The following MAPK8IP3 variants were observed in gnomAD, a reference collection of about 807,000 sequenced individuals.
MAPK8IP3 encodes the protein mitogen-activated protein kinase 8 interacting protein 3.
A neutral mutation model predicts 157.8 loss-of-function variants in MAPK8IP3; 49 were observed. The ratio of observed to expected loss-of-function variants is 0.31; its 90% CI spans 0.25 to 0.39. MAPK8IP3 has a LOEUF of 0.39. Ranked by LOEUF, MAPK8IP3 falls within the 10% of genes least tolerant of loss-of-function variation. The pLI is 1.00. For missense variants in MAPK8IP3, 1,478 were observed against 1,889.4 expected (o/e 0.78, Z 4.04); for synonymous variants, 897 against 777.7 (o/e 1.15, Z -2.55).
intron 2 of MAPK8IP3, among the ~76,000 whole-genome samples, chr16:1,728,329 A>G (rs1213621218): frequency 6.6e-6 from 1 of 152,044 alleles, no homozygotes; most frequent in Non-Finnish European, 1.5e-5. Context: ...TGTGTGAGGG[A>G]CCTCGCTGCT....
intron 2 of MAPK8IP3, among the ~76,000 whole-genome samples, chr16:1,728,816 G>A (rs1282844374): frequency 1.5e-5 from 2 of 137,908 alleles, no homozygotes; most frequent in Non-Finnish European, 3.0e-5. Context: ...CCCCCCAGAC[G>A]GCTTTAACAG....
intron 4 of MAPK8IP3, among the ~76,000 whole-genome samples, chr16:1,730,964 A>G (rs530833775): frequency 1.3e-5 from 2 of 151,280 alleles, no homozygotes; most frequent in Admixed American, 1.3e-4. Flanking sequence ...ACACGGTGAA[A>G]CCCCGTCTCT....
chr16:1,729,145 G>A lies in MAPK8IP3; in HGVS notation c.447G>A (p.Arg149=). Reference sequence around the variant, plus strand: ...AGTGATTGTGTTTTCCAGTTTCCCGGTTGGAGGAGCGGGAGTCGGAGATGA... The same window carrying A: ...AGTGATTGTGTTTTCCAGTTTCCCGATTGGAGGAGCGGGAGTCGGAGATGA... ...KAKNYADQIS[R]LEERESEMKK... Residue 149 remains arginine (R), a synonymous_variant, in exon 3 of 32, where the codon CGG becomes CGA. Transcript: ENST00000610761. The A allele has an allele frequency of 6.2e-7, 1 of 1,614,088 alleles. No individual in the cohort carries two copies. Among genetic ancestry groups the A allele is most frequent in the East Asian group, 2.2e-5 (1 of 44,886 alleles).
At chr16:1,754,201 G>A (rs2041463483) in intron 8 of MAPK8IP3, among the ~76,000 whole-genome samples, 1 of 151,974 alleles carries the variant, frequency 6.6e-6, no homozygotes, top group African/African-American at 2.4e-5. Context: ...GGCCTAATAG[G>A]GAGTAAGGGA....
In MAPK8IP3 at chr16:1,766,741, T is replaced by A; in HGVS notation, c.2958T>A (p.Ala986=). The A allele has an allele frequency of 6.2e-7, 1 of 1,612,834 alleles. No individual in the cohort carries two copies. The highest frequency in any genetic ancestry group is 8.5e-7 in the Non-Finnish European group (1 of 1,179,912). ...AQNGWLYVHS[A]VANWKKCLHS... ...TCCCTAGGCTCTATGTGCACTCGGCTGTGGCCAACTGGAAGAAGTGCCTGC... is the reference window on the plus strand; with the variant it reads ...TCCCTAGGCTCTATGTGCACTCGGCAGTGGCCAACTGGAAGAAGTGCCTGC... The change falls in exon 24 of 32, where the codon GCT becomes GCA. Residue 986 remains alanine, a synonymous_variant. Transcript: ENST00000610761.
At chr16:1,738,396 CCGTGTGAG>C (rs1596653510) in intron 4 of MAPK8IP3, among the ~76,000 whole-genome samples, 32 of 69,626 alleles carry the variant, frequency 4.6e-4, no homozygotes, top group African/African-American at 1.1e-3. Context: ...ATCCGTGTGA[CCGTGTGAG>C]CGTCCGTGTG....
At chr16:1,750,900 T>C (rs1464153509) in intron 8 of MAPK8IP3, among the ~76,000 whole-genome samples, 1 of 151,890 alleles carries the variant, frequency 6.6e-6, no homozygotes, top group Non-Finnish European at 1.5e-5. Flanking sequence ...CGCCTCGGCC[T>C]CCCAGAGTGC....
At chr16:1,721,743 T>C (rs556828147) in intron 1 of MAPK8IP3, among the ~76,000 whole-genome samples, 1 of 150,198 alleles carries the variant, frequency 6.7e-6, no homozygotes, top group African/African-American at 2.5e-5. Context: ...TCCGGGCCTA[T>C]AAAAACTTTG....
rs892716436 is a variant in MAPK8IP3 at position 1,742,493 on chromosome 16, C to A, written c.603-839C>A. ...GAAGACGCCCCTCAGGCTCAGGCTC[C>A]GGCTGCAGCAGATGAGACGGGGTCA... On this transcript the variant is annotated intron_variant, in intron 4 of 31. Transcript: ENST00000610761. This position sits in a 1 kb window ranked among gnomAD's most constrained non-coding sequence, Gnocchi z 5.0. 6.6e-6 allele frequency among the ~76,000 whole-genome samples: 1 copy of A among 152,176 alleles called. No homozygotes were observed. Among genetic ancestry groups the A allele is most frequent in the East Asian group, 1.9e-4 (1 of 5,194 alleles).
rs1484832493 is a variant in MAPK8IP3, at chr16:1,724,956, C to A, written c.439+279C>A. On this transcript the variant is annotated intron_variant, in intron 2 of 31. Transcript: ENST00000610761. The surrounding 1 kb of genome is among the most constrained non-coding windows in gnomAD (Gnocchi z 4.1). ...TCACAAGTCTGTGGTCCTGAAGGTC[C>A]TTCCTGAATCTTTTGAACAGAGCTC... Among the ~76,000 whole-genome samples, 2 of 152,144 alleles carry A rather than the reference C, an allele frequency of 1.3e-5. No individual in the cohort carries two copies. Among genetic ancestry groups the A allele is most frequent in the South Asian group, 2.1e-4 (1 of 4,828 alleles).
intron 28 of MAPK8IP3, 41 bp downstream of exon 28, chr16:1,767,959 G>C (rs539053230): frequency 4.4e-6 from 7 of 1,607,060 alleles, no homozygotes; most frequent in African/African-American, 1.3e-5. Context: ...GGTGCTGCCA[G>C]AGGTGTACGT....
chr16:1,716,796 C>T (rs1004025580), intron 1 of MAPK8IP3, among the ~76,000 whole-genome samples: 5 of 152,074 alleles, frequency 3.3e-5, no homozygotes, highest in South Asian at 2.1e-4. Context: ...CAGTGGTTCA[C>T]GCCTGTAATC....
At chr16:1,744,662 C>T in intron 5 of MAPK8IP3, 2 of 985,514 alleles carry the variant, frequency 2.0e-6, no homozygotes, top group Non-Finnish European at 2.4e-6. Context: ...ACACGTCAGC[C>T]TCAGCCGGGG....
At position 1,724,512 on chromosome 16, in the gene MAPK8IP3, A is replaced by G; in HGVS notation, c.319-45A>G. 1.9e-6 allele frequency: 3 copies of G among 1,598,358 alleles called. No homozygotes were observed. Among genetic ancestry groups the G allele is most frequent in the Non-Finnish European group, 2.6e-6 (3 of 1,170,840 alleles). On this transcript the variant is annotated intron_variant, in intron 1 of 31. Transcript: ENST00000610761. The surrounding 1 kb of genome is among the most constrained non-coding windows in gnomAD (Gnocchi z 4.1). The stretch of plus-strand genomic sequence containing the variant: ...CCTTCAAGTGAAAGGCGGCTGCTCC[A>G]CACTCACTCCTGATGACTGCTCTTT...
chr16:1,756,985 C>T (rs898043298), intron 8 of MAPK8IP3, among the ~76,000 whole-genome samples: 3 of 152,090 alleles, frequency 2.0e-5, no homozygotes, highest in Non-Finnish European at 2.9e-5. Context: ...GAATATTGGC[C>T]GTGAGCAGTG....
chr16:1,729,076 C>A, intron 2 of MAPK8IP3, 62 bp from the exon 3 acceptor site: 2 of 1,515,900 alleles, frequency 1.3e-6, no homozygotes, highest in East Asian at 2.3e-5. Flanking sequence ...TGGTTACAAC[C>A]CAAGAGTTCA....
At chr16:1,754,763 A>G (rs1327738341) in intron 8 of MAPK8IP3, among the ~76,000 whole-genome samples, 1 of 151,706 alleles carries the variant, frequency 6.6e-6, no homozygotes, top group African/African-American at 2.4e-5. Flanking sequence ...CGTCTCAAAA[A>G]AAAAAAAAAA....
chr16:1,743,360 G>A lies in MAPK8IP3; in HGVS notation c.631G>A (p.Val211Met), dbSNP rs1231053454. The A allele has an allele frequency of 9.5e-6, 15 of 1,573,794 alleles. No homozygotes were observed. The highest frequency in any genetic ancestry group is 1.0e-5 in the Non-Finnish European group (12 of 1,163,786). Residue 211 changes from valine to methionine, a missense_variant, in exon 5 of 32, where the codon GTG (valine) becomes ATG (methionine). Transcript: ENST00000610761. This position sits in a 1 kb window ranked among gnomAD's most constrained non-coding sequence, Gnocchi z 5.6. ...SRKERPTSLNVFPLADGTVRA... is the reference protein window; with the variant it reads ...SRKERPTSLNMFPLADGTVRA... ...GAAGGAGCGCCCCACCTCCCTGAAC[G>A]TGTTCCCCCTGGCTGACGGCACGGT...
Position 1,751,820 on chromosome 16 carries a change from TC to T in MAPK8IP3, c.1216+3101del, listed in dbSNP as rs1440530107. 1.3e-5 allele frequency: 2 copies of T among 152,262 alleles called. No individual in the cohort carries two copies. Among genetic ancestry groups the T allele is most frequent in the Non-Finnish European group, 2.9e-5 (2 of 68,088 alleles). The allele number at this position is 152,262 out of a possible 1,614,324, so 9.4% of individuals were successfully genotyped here. A position where few individuals can be genotyped will look rare whatever the true frequency, so the allele number is the denominator to read the frequency against. The stretch of plus-strand genomic sequence containing the variant: ...AGCAATGGGCCTTTTCTGCCTGGCT[TC>T]TTTAACGTTGCATCACATCTTCAAG... On this transcript the variant is annotated intron_variant, in intron 8 of 31. Transcript: ENST00000610761. The surrounding 1 kb of genome is among the most constrained non-coding windows in gnomAD (Gnocchi z 5.0).
Sources: gnomAD v4.1 joint callset for allele counts (sites outside exome capture counted in the v4.1 genomes callset) on GRCh38, gnomAD v4.1.1 for gene constraint, Gnocchi (gnomAD v3.1) non-coding constraint, MANE v1.5 for transcripts, NCBI Gene and HGNC (gene_info 2026-07-23, HGNC 2026-07-21) for gene names.